The following ZNF711 variants were observed in gnomAD, a reference collection of about 807,000 sequenced individuals.
ZNF711 encodes the protein zinc finger protein 711.
In ZNF711, 3 loss-of-function variants were observed where a neutral mutation model predicts 43.5. The observed-to-expected ratio is 0.07, with a 90% CI of 0.03 to 0.18. ZNF711 has a LOEUF of 0.18. ZNF711 is among the 10% of genes least tolerant of loss of function. The pLI is 1.00. For synonymous variants in ZNF711, 209 were observed against 207.7 expected (o/e 1.01, Z -0.06); for missense variants, 412 against 604.0 (o/e 0.68, Z 3.33).
chrX:85,253,130 T>C (rs947078074), intron 4 of ZNF711, among the ~76,000 whole-genome samples: 2 of 111,919 alleles, frequency 1.8e-5, no homozygotes, highest in Non-Finnish European at 3.8e-5. Flanking sequence ...GAAGGGATTT[T>C]ACACTTGTAC....
chrX:85,264,131 A>C (rs1421566669), intron 5 of ZNF711, 144 bp from the exon 6 acceptor site: 1 of 487,857 alleles, frequency 2.0e-6, no homozygotes, highest in Non-Finnish European at 3.6e-6. Flanking sequence ...ATAGGTTATT[A>C]AGTGAATACA....
chrX:85,270,054 A>C lies in ZNF711; in HGVS notation c.1154A>C (p.Tyr385Ser), dbSNP rs761023625. 8.3e-7 allele frequency: 1 copy of C among 1,210,682 alleles called. No homozygotes were observed. Residue 385 changes from tyrosine to serine, a missense_variant, in exon 10 of 11, where the codon TAC becomes TCC. Physicochemically the swap from Tyr to Ser is moderately radical, Grantham distance 144 (BLOSUM62 -2). This residue lies in a region of ZNF711 where 375 missense variants were observed against 514.2 expected (regional missense o/e 0.73). Coordinates refer to ENST00000674551, the MANE Select transcript of ZNF711 (RefSeq NM_001330574.2). ...AGCAGAAGTAGTACAGCAGCACAGT[A>C]CCTTCAAATTTGTGACGGCATTAAT... ...LESRSSTAAQYLQICDGINTN... is the reference protein window; with the variant it reads ...LESRSSTAAQSLQICDGINTN...
intron 5 of ZNF711, among the ~76,000 whole-genome samples, chrX:85,262,338 G>T (rs776321227): frequency 1.8e-5 from 2 of 110,265 alleles, no homozygotes; most frequent in African/African-American, 3.3e-5. Context: ...AACTGTGATC[G>T]CTTTAAACTA....
chrX:85,271,841 A>G lies in ZNF711; in HGVS notation c.*13A>G, dbSNP rs1257606663. 7 of 1,172,487 alleles carry G rather than the reference A, an allele frequency of 6.0e-6. No individual in the cohort carries two copies. Among genetic ancestry groups the G allele is most frequent in the Admixed American group, 4.4e-5 (2 of 45,506 alleles). ...GGCTCTTATGTAATAAGATCAATAT[A>G]AAGAAAGAAGCTATTTAGGAGATAT... On this transcript the variant is annotated 3_prime_UTR_variant, in exon 11 of 11. Transcript: ENST00000674551.
At position 85,247,639 on chromosome X, in the gene ZNF711, A is replaced by C. The variant is rs1165508227; in HGVS notation, c.67A>C (p.Met23Leu). 8.3e-7 allele frequency: 1 copy of C among 1,207,041 alleles called. No homozygotes were observed. Among genetic ancestry groups the C allele is most frequent in the African/African-American group, 1.7e-5 (1 of 57,261 alleles). Residue 23 changes from methionine (M) to leucine (L), a missense_variant, in exon 4 of 11, where the codon ATG (methionine) becomes CTG (leucine). Transcript: ENST00000674551. ...CTCTAGAATGGCCCATACCATGATT[A>C]TGCAAGATTTTGGTAAAGCATTTTC... ...PDSRMAHTMI[M>L]QDFVAGMAGT...
intron 4 of ZNF711, among the ~76,000 whole-genome samples, chrX:85,251,949 A>G (rs973461469): frequency 9.0e-6 from 1 of 111,630 alleles, no homozygotes; most frequent in Non-Finnish European, 1.9e-5. Flanking sequence ...CTTATTTAAA[A>G]TGAGGATAAT....
In ZNF711 at chrX:85,271,898, C is replaced by A; in HGVS notation, c.*70C>A. ...CTACTTGGGAGAAAACTCTCACTAACTGTCTCACCGGGTTTCAAAGCTTGA... is the reference window on the plus strand; with the variant it reads ...CTACTTGGGAGAAAACTCTCACTAAATGTCTCACCGGGTTTCAAAGCTTGA... On this transcript the variant is annotated 3_prime_UTR_variant, in exon 11 of 11. Coordinates refer to ENST00000674551, the MANE Select transcript of ZNF711 (RefSeq NM_001330574.2). 1.1e-6 allele frequency: 1 copy of A among 887,458 alleles called. No homozygotes were observed. The highest frequency in any genetic ancestry group is 1.6e-6 in the Non-Finnish European group (1 of 612,482). The allele number at this position is 887,458 out of a possible 1,213,427, so 73.1% of individuals were successfully genotyped here.
rs189735941 is a variant in ZNF711 at position 85,255,981 on chromosome X, A to G, written c.622+180A>G. ...TTTACTGATGTTTTTAATTTATTCAATGAAAATTCATACCTGAAATGAAGT... is the reference window on the plus strand; with the variant it reads ...TTTACTGATGTTTTTAATTTATTCAGTGAAAATTCATACCTGAAATGAAGT... On this transcript the variant is annotated intron_variant, in intron 5 of 10. Transcript: ENST00000674551. Among the ~76,000 whole-genome samples, 849 of 111,802 alleles carry G rather than the reference A, an allele frequency of 7.6e-3. 4 individuals carry two copies. The highest frequency in any genetic ancestry group is 0.013 in the Non-Finnish European group (690 of 53,125).
chrX:85,259,125 T>C, intron 5 of ZNF711, among the ~76,000 whole-genome samples: 1 of 111,586 alleles, frequency 9.0e-6, no homozygotes, highest in Non-Finnish European at 1.9e-5. Flanking sequence ...TGGATATGGC[T>C]TCCCAGCTAT....
chrX:85,265,150 A>G lies in ZNF711; in HGVS notation c.811A>G (p.Thr271Ala). The change falls in exon 7 of 11, where the codon ACC (threonine) becomes GCC (alanine). Residue 271 changes from threonine (T) to alanine (A), a missense_variant. By Grantham distance (58) the Thr-to-Ala change is moderately conservative. Around this residue, in one of 4 missense-constraint regions of ZNF711, gnomAD observed 375 missense variants for 514.2 expected, o/e 0.73. Coordinates refer to ENST00000674551, the MANE Select transcript of ZNF711 (RefSeq NM_001330574.2). ...GTEIVTESEY[T>A]SGHSVAGVLD... ...AGAAATTGTCACAGAGAGTGAGTAC[A>G]CCAGTGGACATTCAGTAGCTGGAGT... 8.3e-7 allele frequency: 1 copy of G among 1,208,646 alleles called. No individual in the cohort carries two copies. The highest frequency in any genetic ancestry group is 1.1e-6 in the Non-Finnish European group (1 of 893,212).
chrX:85,259,699 G>C (rs964295837), intron 5 of ZNF711, among the ~76,000 whole-genome samples: 1 of 110,890 alleles, frequency 9.0e-6, no homozygotes, highest in African/African-American at 3.3e-5. Context: ...CTTGGATGTT[G>C]TTGGTGTGTA....
chrX:85,271,647 A>G lies in ZNF711; in HGVS notation c.2243A>G (p.Lys748Arg), dbSNP rs1569272770. ...CATATGAAGACCCATACTGGAAGGA[A>G]GATTTACCAATGTGAGTATTGTGAA... ...KKHMKTHTGR[K>R]IYQCEYCEYS... Residue 748 changes from lysine (K) to arginine (R), a missense_variant, in exon 11 of 11, where the codon AAG becomes AGG. Transcript: ENST00000674551. 1.7e-6 allele frequency: 2 copies of G among 1,210,318 alleles called. No homozygotes were observed. The highest frequency in any genetic ancestry group is 2.2e-6 in the Non-Finnish European group (2 of 894,611).
chrX:85,246,457 C>T (rs1929058558), intron 2 of ZNF711, among the ~76,000 whole-genome samples: 1 of 111,997 alleles, frequency 8.9e-6, no homozygotes, highest in Non-Finnish European at 1.9e-5. Context: ...TCTCCTGCCT[C>T]CTGAATACCA....
intron 5 of ZNF711, among the ~76,000 whole-genome samples, chrX:85,256,863 T>A (rs777122116): frequency 8.9e-6 from 1 of 111,764 alleles, no homozygotes; most frequent in Non-Finnish European, 1.9e-5. Flanking sequence ...TAAATAGATA[T>A]AGATTACTAA....
Position 85,265,275 on chromosome X carries a change from G to T in ZNF711, c.916+20G>T. 8.3e-7 allele frequency: 1 copy of T among 1,201,694 alleles called. No homozygotes were observed. Among genetic ancestry groups the T allele is most frequent in the Non-Finnish European group, 1.1e-6 (1 of 887,954 alleles). On this transcript the variant is annotated intron_variant, in intron 7 of 10. Coordinates refer to ENST00000674551, the MANE Select transcript of ZNF711 (RefSeq NM_001330574.2). Reference sequence around the variant, plus strand: ...ATATCAGTAAGAAAATAAGGGCACTGTAGTGACTTATCAGTAGCCATCATG... The same window carrying T: ...ATATCAGTAAGAAAATAAGGGCACTTTAGTGACTTATCAGTAGCCATCATG...
At chrX:85,265,349 G>T in intron 7 of ZNF711, 94 bp downstream of exon 7, 3 of 979,993 alleles carry the variant, frequency 3.1e-6, no homozygotes, top group Non-Finnish European at 2.9e-6. Context: ...TAGGAACAAA[G>T]TTCAATAAAA....
chrX:85,258,222 A>G (rs1421984620), intron 5 of ZNF711, among the ~76,000 whole-genome samples: 2 of 112,043 alleles, frequency 1.8e-5, no homozygotes, highest in Non-Finnish European at 3.8e-5. Flanking sequence ...AAATAATGGC[A>G]TTGCAGCAAC....
chrX:85,271,997 C>T lies in ZNF711; in HGVS notation c.*169C>T, dbSNP rs748560628. On this transcript the variant is annotated 3_prime_UTR_variant, in exon 11 of 11. Coordinates refer to ENST00000674551, the MANE Select transcript of ZNF711 (RefSeq NM_001330574.2). ...TGAATTCACAGGGGATCCCATAGCCCTTTGAAAATTACTTAAAGAATTTAA... is the reference window on the plus strand; with the variant it reads ...TGAATTCACAGGGGATCCCATAGCCTTTTGAAAATTACTTAAAGAATTTAA... 58 of 457,331 alleles carry T rather than the reference C, an allele frequency of 1.3e-4. No homozygotes were observed. Among genetic ancestry groups the T allele is most frequent in the Non-Finnish European group, 1.8e-4 (49 of 268,806 alleles). The allele number at this position is 457,331 out of a possible 1,213,427, so 37.7% of individuals were successfully genotyped here.
Position 85,256,384 on chromosome X carries a change from A to G in ZNF711, c.622+583A>G, listed in dbSNP as rs967273506. Among the ~76,000 whole-genome samples, 8 of 112,058 alleles carry G rather than the reference A, an allele frequency of 7.1e-5. No homozygotes were observed. In the South Asian group the frequency reaches 1.5e-3, roughly 21 times the overall value. ...CTTTGCAAGATTCTTAAAACATTCT[A>G]TCCGAAGCGGGAAGATAGAAATATT... On this transcript the variant is annotated intron_variant, in intron 5 of 10. Coordinates refer to ENST00000674551, the MANE Select transcript of ZNF711 (RefSeq NM_001330574.2).
Sources: gnomAD v4.1 joint callset for allele counts (sites outside exome capture counted in the v4.1 genomes callset) on GRCh38, gnomAD v4.1.1 for gene constraint, gnomAD v4.1.1 regional missense constraint, MANE v1.5 for transcripts, NCBI Gene and HGNC (gene_info 2026-07-23, HGNC 2026-07-21) for gene names.